WRN: variants seen among roughly 807,000 people sequenced by gnomAD.
The protein encoded by WRN is bifunctional 3'-5' exonuclease/ATP-dependent helicase WRN.
Under a neutral mutation model 180.7 loss-of-function variants are expected in WRN, and 149 were observed. That is an observed-to-expected ratio of 0.82 (90% CI 0.72 to 0.94). The LOEUF is 0.94. Ranked by LOEUF, WRN falls within the 40% of genes least tolerant of loss-of-function variation. The pLI, the probability that WRN is intolerant of heterozygous loss-of-function variation, is 0.00. For synonymous variants in WRN, 548 were observed against 568.9 expected, an observed-to-expected ratio of 0.96 and a Z score of 0.52; for missense variants, 1,661 against 1,700.1, an observed-to-expected ratio of 0.98 and a Z score of 0.40.
At chr8:31,165,476 A>G (rs1803819522) in intron 33 of WRN, among the ~76,000 whole-genome samples, 1 of 152,048 alleles carries the variant, frequency 6.6e-6, no homozygotes, top group Non-Finnish European at 1.5e-5. Context: ...AATGGATGCA[A>G]TTTATTTTGA....
rs974712158 is a variant in WRN, at chr8:31,116,523, A to G, written c.2443A>G (p.Ile815Val). Reference sequence around the variant, plus strand: ...TCATCATAGGTTTGTAAGAGATGAAATTCAGGTATGAGGATCAATCATCAT... The same window carrying G: ...TCATCATAGGTTTGTAAGAGATGAAGTTCAGGTATGAGGATCAATCATCAT... ...DIHHRFVRDE[I>V]QCVIATIAFG... Residue 815 changes from isoleucine (I) to valine (V), a missense_variant, in exon 20 of 35, where the codon ATT becomes GTT. Transcript: ENST00000298139. 2.4e-5 allele frequency: 39 copies of G among 1,613,804 alleles called. No homozygotes were observed. The highest frequency in any genetic ancestry group is 3.3e-5 in the Non-Finnish European group (39 of 1,179,856).
intron 30 of WRN, among the ~76,000 whole-genome samples, chr8:31,149,453 G>GTTTTT (rs1803010841): frequency 1.1e-5 from 1 of 91,006 alleles, no homozygotes; most frequent in African/African-American, 4.5e-5. Context: ...TTTAATAGAG[G>GTTTTT]TGTTTTTTTT....
chr8:31,169,206 T>C (rs545960915), intron 34 of WRN, among the ~76,000 whole-genome samples: 1 of 151,876 alleles, frequency 6.6e-6, no homozygotes, highest in South Asian at 2.1e-4. Context: ...TCTCTTTAAA[T>C]TTTTTTCTTC....
intron 32 of WRN, 106 bp downstream of exon 32, chr8:31,154,861 C>A: frequency 2.9e-6 from 4 of 1,358,864 alleles, no homozygotes; most frequent in Middle Eastern, 2.3e-4. Context: ...TTTCCTCCAA[C>A]CCTACAATAA....
intron 24 of WRN, among the ~76,000 whole-genome samples, chr8:31,135,647 A>AATAT (rs1390836482): frequency 6.6e-6 from 1 of 152,122 alleles, no homozygotes; most frequent in East Asian, 1.9e-4. Context: ...ATTTTTGTGG[A>AATAT]ATATATAGTA....
intron 32 of WRN, among the ~76,000 whole-genome samples, chr8:31,157,069 C>A (rs1803411414): frequency 6.6e-6 from 1 of 152,190 alleles, no homozygotes; most frequent in South Asian, 2.1e-4. Context: ...AGAATGACTT[C>A]TCTGCCACTA....
At position 31,064,954 on chromosome 8, in the gene WRN, C is replaced by G. The variant is rs867641943; in HGVS notation, c.395C>G (p.Ala132Gly). 1.2e-6 allele frequency: 2 copies of G among 1,613,466 alleles called. No individual in the cohort carries two copies. Among genetic ancestry groups the G allele is most frequent in the African/African-American group, 1.3e-5 (1 of 74,866 alleles). The change falls in exon 5 of 35, where the codon GCA (alanine) becomes GGA (glycine). Residue 132 changes from alanine (A) to glycine (G), a missense_variant. By Grantham distance (60) the Ala-to-Gly change is moderately conservative. Coordinates refer to ENST00000298139, the MANE Select transcript of WRN (RefSeq NM_000553.6). ...TTAAAAATGTTGCTTGAAAATAAAGCAGTTAAAAAGGCAGGTGTAGGAATT... is the reference window on the plus strand; with the variant it reads ...TTAAAAATGTTGCTTGAAAATAAAGGAGTTAAAAAGGCAGGTGTAGGAATT... ...QGLKMLLENK[A>G]VKKAGVGIEG...
rs1563360963 is a variant in WRN, at chr8:31,116,464, A to C, written c.2384A>C (p.His795Pro). The change falls in exon 20 of 35, where the codon CAT becomes CCT. Residue 795 changes from histidine to proline, a missense_variant. Physicochemically the swap from His to Pro is moderately conservative, Grantham distance 77. This residue lies in a region of WRN where 1,141 missense variants were observed against 1,149.4 expected (regional missense o/e 0.99). Transcript: ENST00000298139. The stretch of plus-strand genomic sequence containing the variant: ...CTGAATCTATCCTGTGGAACATACC[A>C]TGCGGGCATGAGTTTTAGCACAAGG... ...RKLNLSCGTY[H>P]AGMSFSTRKD... The C allele has an allele frequency of 5.0e-6, 8 of 1,614,040 alleles. No individual in the cohort carries two copies. Among genetic ancestry groups the C allele is most frequent in the Non-Finnish European group, 6.8e-6 (8 of 1,179,932 alleles).
intron 1 of WRN, among the ~76,000 whole-genome samples, chr8:31,056,152 G>C (rs1486088988): frequency 6.6e-6 from 1 of 152,124 alleles, no homozygotes; most frequent in Non-Finnish European, 1.5e-5. Flanking sequence ...TTCTGTTTTG[G>C]CAGTGTAAAT....
intron 9 of WRN, among the ~76,000 whole-genome samples, chr8:31,082,510 C>T (rs1813356078): frequency 1.3e-5 from 2 of 152,154 alleles, no homozygotes; most frequent in African/African-American, 4.8e-5. Context: ...CTAACATCTG[C>T]ATTTCCCTTT....
chr8:31,119,876 T>C (rs4733225), intron 20 of WRN: 35,723 of 210,732 alleles, frequency 0.17, 3,722 homozygotes, highest in East Asian at 0.24. Flanking sequence ...CTTAGATTAA[T>C]ATTAGAGAAT....
At chr8:31,040,976 G>A (rs1811631725) in intron 1 of WRN, among the ~76,000 whole-genome samples, 2 of 152,106 alleles carry the variant, frequency 1.3e-5, no homozygotes, top group Non-Finnish European at 2.9e-5. Context: ...TTGAGTAGAT[G>A]AGAGGTTTGC....
intron 7 of WRN, among the ~76,000 whole-genome samples, chr8:31,074,489 A>G (rs138216754): frequency 2.4e-4 from 36 of 152,306 alleles, no homozygotes; most frequent in African/African-American, 8.7e-4. Context: ...AGGGTCAAAC[A>G]GGTGTTAGAA....
chr8:31,132,293 T>G lies in WRN; in HGVS notation c.2826-72T>G, dbSNP rs1409763587. The G allele has an allele frequency of 5.8e-6, 9 of 1,548,566 alleles. No homozygotes were observed. In the East Asian group the frequency reaches 1.6e-4, roughly 28 times the overall value. On this transcript the variant is annotated intron_variant, in intron 23 of 34. Coordinates refer to ENST00000298139, the MANE Select transcript of WRN (RefSeq NM_000553.6). ...ATATTTTTTACTTGGCTAATTGTTA[T>G]GCTAAATCTTTTGATTTCTAAAGAT...
At chr8:31,163,053 G>C (rs11574385) in intron 33 of WRN, among the ~76,000 whole-genome samples, 1 of 152,172 alleles carries the variant, frequency 6.6e-6, no homozygotes, top group South Asian at 2.1e-4. Flanking sequence ...ATCTTACAGA[G>C]GCATACAATT....
intron 8 of WRN, among the ~76,000 whole-genome samples, chr8:31,077,365 C>A (rs536296930): frequency 4.6e-5 from 7 of 151,980 alleles, no homozygotes; most frequent in Non-Finnish European, 1.0e-4. Context: ...CTCAGCCTCC[C>A]GAGTAGCTGG....
intron 11 of WRN, chr8:31,087,532 T>C: frequency 2.5e-6 from 1 of 407,494 alleles, no homozygotes; most frequent in East Asian, 4.4e-5. Flanking sequence ...AGGGGCAGTT[T>C]ATTATATGCT....
intron 21 of WRN, among the ~76,000 whole-genome samples, chr8:31,120,807 T>A (rs1425511936): frequency 6.6e-6 from 1 of 152,014 alleles, no homozygotes; most frequent in African/African-American, 2.4e-5. Flanking sequence ...TTACTTCAAC[T>A]ACCACTGATT....
rs886062884 is a variant in WRN at position 31,033,841 on chromosome 8, T to G, written c.-209T>G. 6 of 152,272 alleles carry G rather than the reference T, an allele frequency of 3.9e-5. No homozygotes were observed. Among genetic ancestry groups the G allele is most frequent in the Admixed American group, 3.3e-4 (5 of 15,284 alleles). The allele number at this position is 152,272 out of a possible 1,614,324, so 9.4% of individuals were successfully genotyped here. A position where few individuals can be genotyped will look rare whatever the true frequency, so the allele number is the denominator to read the frequency against. Reference sequence around the variant, plus strand: ...TGTGTGCGCCGGGGAGGCGCCGGCTTGTACTCGGCAGCGCGGGAATAAAGT... The same window carrying G: ...TGTGTGCGCCGGGGAGGCGCCGGCTGGTACTCGGCAGCGCGGGAATAAAGT... On this transcript the variant is annotated 5_prime_UTR_variant, in exon 1 of 35. Coordinates refer to ENST00000298139, the MANE Select transcript of WRN (RefSeq NM_000553.6).
Sources: gnomAD v4.1 joint callset for allele counts (sites outside exome capture counted in the v4.1 genomes callset) on GRCh38, gnomAD v4.1.1 for gene constraint, gnomAD v4.1.1 regional missense constraint, MANE v1.5 for transcripts, NCBI Gene and HGNC (gene_info 2026-07-23, HGNC 2026-07-21) for gene names.